The following CYP26C1 variants were observed in gnomAD, a reference collection of about 807,000 sequenced individuals.
CYP26C1 encodes cytochrome P450 family 26 subfamily C member 1.
CYP26C1 carries 41 observed loss-of-function variants against 39.1 expected under a neutral mutation model. The ratio of observed to expected loss-of-function variants is 1.05; its 90% CI spans 0.82 to 1.36. CYP26C1 has a LOEUF of 1.36. CYP26C1 is among the 40% of genes most tolerant of loss of function. The probability of loss-of-function intolerance (pLI) is 0.00; values close to 1 mark genes in which losing one functional copy is unlikely to be tolerated. For missense variants in CYP26C1, 833 were observed against 752.0 expected (o/e 1.11, Z -1.26); for synonymous variants, 362 against 350.8 (o/e 1.03, Z -0.36).
In CYP26C1 at chr10:93,061,175, C is replaced by A; in HGVS notation, c.-89C>A. 7.3e-7 allele frequency: 1 copy of A among 1,378,602 alleles called. No individual in the cohort carries two copies. Among genetic ancestry groups the A allele is most frequent in the Non-Finnish European group, 9.9e-7 (1 of 1,013,338 alleles). 85.4% of individuals were successfully genotyped at this position (1,378,602 alleles called of 1,614,324 possible). On this transcript the variant is annotated 5_prime_UTR_variant, in exon 1 of 6. Coordinates refer to ENST00000651965, the MANE Select transcript of CYP26C1 (RefSeq NM_183374.3). ...AACCCCAGGCCTTTTGCGGACGGAA[C>A]AGGTGAGCACTGCGCACTGCTCGCG... is the stretch of plus-strand genomic sequence containing the variant.
rs1389018349 is a variant in CYP26C1 at position 93,061,106 on chromosome 10, AC to A, written c.-157del. 1.1e-4 allele frequency: 82 copies of A among 739,974 alleles called. 2 individuals carry two copies. Among genetic ancestry groups the A allele is most frequent in the Non-Finnish European group, 1.4e-4 (63 of 463,016 alleles). 45.8% of individuals were successfully genotyped at this position (739,974 alleles called of 1,614,324 possible). On this transcript the variant is annotated 5_prime_UTR_variant, in exon 1 of 6. Transcript: ENST00000651965. ...CTTTCACCGTCCGTCTGTTTTTAGAACAGAGTTCTGGCCTGAGCTTATAAAT... is the reference window on the plus strand; with the variant it reads ...CTTTCACCGTCCGTCTGTTTTTAGAAAGAGTTCTGGCCTGAGCTTATAAAT...
chr10:93,067,349 C>A (rs1846841659), intron 5 of CYP26C1, among the ~76,000 whole-genome samples: 1 of 152,144 alleles, frequency 6.6e-6, no homozygotes, highest in Non-Finnish European at 1.5e-5. Context: ...GACGGGAGAG[C>A]CTATTACAGA....
rs1207038238 is a variant in CYP26C1, at chr10:93,061,335, G to A, written c.72G>A (p.Leu24=). ...AAGTALLCAG[L]LLSLAQHLWT... The stretch of plus-strand genomic sequence containing the variant: ...GCACTGCTCTCCTGTGCGCGGGCCT[G>A]CTGCTCAGCCTGGCCCAGCACCTCT... The change falls in exon 1 of 6, where the codon CTG becomes CTA. Residue 24 remains leucine (L), a synonymous_variant. Transcript: ENST00000651965. 3 of 1,591,656 alleles carry A rather than the reference G, an allele frequency of 1.9e-6. No individual in the cohort carries two copies. Among genetic ancestry groups the A allele is most frequent in the East Asian group, 2.3e-5 (1 of 43,886 alleles).
chr10:93,061,041 G>A lies in CYP26C1; in HGVS notation c.-223G>A. On this transcript the variant is annotated 5_prime_UTR_variant, in exon 1 of 6. Transcript: ENST00000651965. ...AAAAAGTCCTGAGCGTGCCGGCCTC[G>A]AGGAAGGCACGTTCCCTAAGGGCGC... 3 of 535,964 alleles carry A rather than the reference G, an allele frequency of 5.6e-6. No individual in the cohort carries two copies. The highest frequency in any genetic ancestry group is 3.8e-4 in the Middle Eastern group (1 of 2,614). The allele number at this position is 535,964 out of a possible 1,614,324, so 33.2% of individuals were successfully genotyped here.
At position 93,066,157 on chromosome 10, in the gene CYP26C1, G is replaced by A. The variant is rs767189172; in HGVS notation, c.1063G>A (p.Glu355Lys). 20 of 1,400,538 alleles carry A rather than the reference G, an allele frequency of 1.4e-5. No homozygotes were observed. The highest frequency in any genetic ancestry group is 2.5e-5 in the Admixed American group (1 of 39,238). 86.8% of individuals were successfully genotyped at this position (1,400,538 alleles called of 1,614,324 possible). A position where few individuals can be genotyped will look rare whatever the true frequency, so the allele number is the denominator to read the frequency against. The change falls in exon 5 of 6, where the codon GAG (glutamate) becomes AAG (lysine). Residue 355 changes from glutamate (E) to lysine (K), a missense_variant. Coordinates refer to ENST00000651965, the MANE Select transcript of CYP26C1 (RefSeq NM_183374.3). ...GGGGCCCCCGCCCGACTGCGGCTGC[G>A]AGCCCGACCTCAGCCTCGCGGCGCT... The part of the protein sequence containing the change: ...SEGPPPDCGC[E>K]PDLSLAALGR...
rs1407301954 is a variant in CYP26C1, at chr10:93,062,005, C to G, written c.205-5C>G. ...CCAGCTCTCCACCCTCCGCCTCGCC[C>G]GCAGGGCTCGCGCTTCCACAGTTCT... On this transcript the variant is annotated splice_region_variant and splice_polypyrimidine_tract_variant and intron_variant, in intron 1 of 5. Coordinates refer to ENST00000651965, the MANE Select transcript of CYP26C1 (RefSeq NM_183374.3). 1.3e-6 allele frequency: 2 copies of G among 1,555,616 alleles called. No homozygotes were observed. Among genetic ancestry groups the G allele is most frequent in the African/African-American group, 1.4e-5 (1 of 73,748 alleles).
chr10:93,064,821 C>A (rs1456794258), intron 4 of CYP26C1: 2 of 1,115,100 alleles, frequency 1.8e-6, no homozygotes, highest in Non-Finnish European at 2.2e-6. Flanking sequence ...TCTCTCCTTT[C>A]CTTCCCCCAC....
chr10:93,064,316 G>GT, intron 3 of CYP26C1, 65 bp from the exon 4 acceptor site: 1 of 1,527,374 alleles, frequency 6.5e-7, no homozygotes. Flanking sequence ...GGTTTTCTGG[G>GT]TAAGTGGCCG....
At chr10:93,063,025 C>T (rs1846772886) in intron 3 of CYP26C1, 30 bp downstream of exon 3, 1 of 1,512,232 alleles carries the variant, frequency 6.6e-7, no homozygotes, top group Admixed American at 2.0e-5. Flanking sequence ...AGACCTTCCT[C>T]CGAGGCTCCG....
chr10:93,065,984 C>T lies in CYP26C1; in HGVS notation c.890C>T (p.Ala297Val). 1 of 1,584,252 alleles carries T rather than the reference C, an allele frequency of 6.3e-7. No individual in the cohort carries two copies. Among genetic ancestry groups the T allele is most frequent in the South Asian group, 1.1e-5 (1 of 88,844 alleles). Residue 297 changes from alanine to valine, a missense_variant, in exon 5 of 6, where the codon GCC (alanine) becomes GTC (valine). By Grantham distance (64) the Ala-to-Val change is moderately conservative. Transcript: ENST00000651965. ...KESAVELLFAAFFTTASASTS... is the reference protein window; with the variant it reads ...KESAVELLFAVFFTTASASTS... ...TCGGCTGTGGAGCTCCTCTTCGCCGCCTTCTTCACCACGGCCAGTGCCAGC... is the reference window on the plus strand; with the variant it reads ...TCGGCTGTGGAGCTCCTCTTCGCCGTCTTCTTCACCACGGCCAGTGCCAGC...
rs1201274329 is a variant in CYP26C1 at position 93,061,482 on chromosome 10, G to A, written c.204+15G>A. ...GGTTAGTTCAGGTGAGCAGTCCTTC[G>A]ACCCCGAGCGCTAATACGGTCCCTT... On this transcript the variant is annotated intron_variant, in intron 1 of 5. Coordinates refer to ENST00000651965, the MANE Select transcript of CYP26C1 (RefSeq NM_183374.3). 6.5e-7 allele frequency: 1 copy of A among 1,548,756 alleles called. No homozygotes were observed. The highest frequency in any genetic ancestry group is 8.7e-7 in the Non-Finnish European group (1 of 1,146,966).
At chr10:93,064,816 C>A in intron 4 of CYP26C1, 1 of 1,125,562 alleles carries the variant, frequency 8.9e-7, no homozygotes, top group Non-Finnish European at 1.1e-6. Flanking sequence ...GGCTCTCTCT[C>A]CTTTCCTTCC....
At chr10:93,063,780 T>G in intron 3 of CYP26C1, 1 of 983,928 alleles carries the variant, frequency 1.0e-6, no homozygotes, top group Middle Eastern at 5.2e-4. Context: ...ATCACACCGT[T>G]AGTAGGGGCA....
chr10:93,064,407 T>G lies in CYP26C1; in HGVS notation c.732T>G (p.His244Gln). Reference protein sequence around the residue: ...RKGIRARDQLHRHLEGAISEK... With the variant: ...RKGIRARDQLQRHLEGAISEK... ...GCATCCGGGCAAGGGACCAGCTGCA[T>G]CGGCACCTGGAGGGGGCCATTTCTG... The change falls in exon 4 of 6, where the codon CAT becomes CAG. Residue 244 changes from histidine to glutamine, a missense_variant. By Grantham distance (24) the His-to-Gln change is conservative. Transcript: ENST00000651965. The G allele has an allele frequency of 6.2e-7, 1 of 1,614,078 alleles. No individual in the cohort carries two copies. The highest frequency in any genetic ancestry group is 2.2e-5 in the East Asian group (1 of 44,882).
rs1846740278 is a variant in CYP26C1, at chr10:93,061,126, TA to T, written c.-137del. On this transcript the variant is annotated 5_prime_UTR_variant, in exon 1 of 6. Coordinates refer to ENST00000651965, the MANE Select transcript of CYP26C1 (RefSeq NM_183374.3). ...TTAGAACAGAGTTCTGGCCTGAGCT[TA>T]TAAATCTCGGGCTTTGCCCCCAAAC... 1 of 859,786 alleles carries T rather than the reference TA, an allele frequency of 1.2e-6. No homozygotes were observed. Among genetic ancestry groups the T allele is most frequent in the African/African-American group, 1.7e-5 (1 of 58,140 alleles). The allele number at this position is 859,786 out of a possible 1,614,324, so 53.3% of individuals were successfully genotyped here. A position where few individuals can be genotyped will look rare whatever the true frequency, so the allele number is the denominator to read the frequency against.
rs900147032 is a variant in CYP26C1 at position 93,060,996 on chromosome 10, A to G, written c.-268A>G. The G allele has an allele frequency of 8.2e-6, 4 of 485,956 alleles. No homozygotes were observed. Among genetic ancestry groups the G allele is most frequent in the Non-Finnish European group, 1.1e-5 (3 of 278,662 alleles). 30.1% of individuals were successfully genotyped at this position (485,956 alleles called of 1,614,324 possible). A position where few individuals can be genotyped will look rare whatever the true frequency, so the allele number is the denominator to read the frequency against. ...GCAGGCACCTTCGAGAGGGACTGGCATTTGGGCCCAGGAGCCAGGAAAAAG... is the reference window on the plus strand; with the variant it reads ...GCAGGCACCTTCGAGAGGGACTGGCGTTTGGGCCCAGGAGCCAGGAAAAAG... On this transcript the variant is annotated 5_prime_UTR_variant, in exon 1 of 6. Coordinates refer to ENST00000651965, the MANE Select transcript of CYP26C1 (RefSeq NM_183374.3).
Position 93,061,293 on chromosome 10 carries a change from A to G in CYP26C1, c.30A>G (p.Ser10=). The G allele has an allele frequency of 6.3e-7, 1 of 1,593,706 alleles. No homozygotes were observed. The highest frequency in any genetic ancestry group is 8.5e-7 in the Non-Finnish European group (1 of 1,171,476). MFPWGLSCL[S]VLGAAGTALL... is the part of the protein sequence containing the mutation. ...TCCCTTGGGGGCTGAGCTGCCTGTC[A>G]GTGCTGGGGGCGGCGGGCACTGCTC... Residue 10 remains serine (S), a synonymous_variant, in exon 1 of 6, where the codon TCA becomes TCG. Coordinates refer to ENST00000651965, the MANE Select transcript of CYP26C1 (RefSeq NM_183374.3).
Position 93,068,643 on chromosome 10 carries a change from GCT to G in CYP26C1, c.1518_1519del (p.Phe508ProfsTer84). ...PIVHPVDGLR[L>X]FFHPLTPSVA... ...TCGTGCACCCAGTGGACGGGCTGCG[GCT>G]CTTTTTCCACCCCCTCACGCCTTCG... is the stretch of plus-strand genomic sequence containing the variant. On this transcript the variant is annotated frameshift_variant, in exon 6 of 6. Transcript: ENST00000651965. LOFTEE classifies it high-confidence loss of function. 6.3e-7 allele frequency: 1 copy of G among 1,595,904 alleles called. No homozygotes were observed. The highest frequency in any genetic ancestry group is 8.5e-7 in the Non-Finnish European group (1 of 1,170,744).
chr10:93,061,591 G>T, intron 1 of CYP26C1, 124 bp downstream of exon 1: 1 of 1,251,984 alleles, frequency 8.0e-7, no homozygotes, highest in South Asian at 1.4e-5. Flanking sequence ...CCACGACCCC[G>T]GGAAGCGCGC....
Sources: allele counts gnomAD v4.1 joint callset (sites outside exome capture counted in the v4.1 genomes callset), GRCh38; gene constraint gnomAD v4.1.1; transcripts MANE v1.5; gene names NCBI Gene and HGNC (gene_info 2026-07-23, HGNC 2026-07-21).